Variants in CDH26 observed in about 807,000 individuals in gnomAD.
The protein encoded by CDH26 is cadherin-like protein 26.
In CDH26, 83 loss-of-function variants were observed where a neutral mutation model predicts 90.3. The ratio of observed to expected loss-of-function variants is 0.92; its 90% CI spans 0.77 to 1.10. The LOEUF (loss-of-function observed/expected upper bound fraction) is 1.10, where lower values mean the gene tolerates loss of function less well. Among genes scored for constraint, CDH26 ranks in the 50% least tolerant of loss-of-function variants. The pLI, the probability that CDH26 is intolerant of heterozygous loss-of-function variation, is 0.00. For synonymous variants in CDH26, 397 were observed against 396.3 expected, an observed-to-expected ratio of 1.00 and a Z score of -0.02; for missense variants, 1,013 against 1,037.6, an observed-to-expected ratio of 0.98 and a Z score of 0.33.
rs931024451 is a variant in CDH26, at chr20:59,996,621, C to T, written c.1889-10C>T. ...TGTCTAATCTGTTTTTCCCCTTTGT[C>T]TTATAACAGTGGCTCTGCTTTTTCT... On this transcript the variant is annotated splice_polypyrimidine_tract_variant and intron_variant, in intron 12 of 17. Transcript: ENST00000348616. The T allele has an allele frequency of 6.2e-7, 1 of 1,614,184 alleles. No homozygotes were observed. The highest frequency in any genetic ancestry group is 1.1e-5 in the South Asian group (1 of 91,082).
intron 7 of CDH26, among the ~76,000 whole-genome samples, chr20:60,021,871 C>CACACACACACACACAT (rs1555903651): frequency 4.7e-5 from 5 of 106,074 alleles, no homozygotes; most frequent in East Asian, 2.2e-4. Flanking sequence ...CACACACACA[C>CACACACACACACACAT]ACACACACAC....
chr20:60,024,398 A>G (rs145810341), intron 7 of CDH26, among the ~76,000 whole-genome samples: 6 of 152,364 alleles, frequency 3.9e-5, no homozygotes, highest in African/African-American at 1.4e-4. Context: ...TCACGTGTGT[A>G]GATGATGATG....
At position 59,992,231 on chromosome 20, in the gene CDH26, T is replaced by C; in HGVS notation, c.1284-147T>C. On this transcript the variant is annotated intron_variant, in intron 9 of 17. Transcript: ENST00000348616. This position sits in a 1 kb window ranked among gnomAD's most constrained non-coding sequence, Gnocchi z 5.0. ...CATTCCTTTCGTGAATTAAACACTC[T>C]CGTAGTTTAATTGCTCTTAGAATTT... is the stretch of plus-strand genomic sequence containing the variant. The C allele has an allele frequency of 1.3e-6, 1 of 755,182 alleles. No homozygotes were observed. Among genetic ancestry groups the C allele is most frequent in the South Asian group, 1.8e-5 (1 of 55,020 alleles). The allele number at this position is 755,182 out of a possible 1,614,324, so 46.8% of individuals were successfully genotyped here.
intron 7 of CDH26, among the ~76,000 whole-genome samples, chr20:60,020,318 TG>T (rs1426919105): frequency 6.6e-6 from 1 of 152,136 alleles, no homozygotes; most frequent in African/African-American, 2.4e-5. Flanking sequence ...TGGCCTGAGA[TG>T]GGGGCACATG....
At position 60,030,378 on chromosome 20, in the gene CDH26, T is replaced by G. The variant is rs1037923878; in HGVS notation, c.948-853T>G. Among the ~76,000 whole-genome samples the G allele has an allele frequency of 9.2e-5, 14 of 152,054 alleles. No individual in the cohort carries two copies. Among genetic ancestry groups the G allele is most frequent in the Non-Finnish European group, 1.9e-4 (13 of 68,012 alleles). ...CTGTTGGTGTTTTAAGTATCTGGGT[T>G]TTTTTTTGTTTGCTTTTTTTTGTTT... On this transcript the variant is annotated intron_variant, in intron 7 of 8. Transcript: ENST00000370991. The surrounding 1 kb of genome is among the most constrained non-coding windows in gnomAD (Gnocchi z 4.0).
At chr20:60,031,553 C>A in intron 8 of CDH26, 1 of 986,076 alleles carries the variant, frequency 1.0e-6, no homozygotes. Flanking sequence ...TAAAAACATC[C>A]TCAGTTTCTT....
At chr20:59,991,471 C>T (rs116576204) in intron 9 of CDH26, among the ~76,000 whole-genome samples, 2,317 of 152,212 alleles carry the variant, frequency 0.015, 62 homozygotes, top group African/African-American at 0.051. Flanking sequence ...CTGAGATAAT[C>T]CACAGAGGAA....
rs764393328 is a variant in CDH26, at chr20:60,001,322, A to C, written c.2098-21A>C. The C allele has an allele frequency of 1.9e-6, 3 of 1,613,770 alleles. No individual in the cohort carries two copies. The South Asian group carries it at 3.3e-5, about 18-fold the overall frequency. On this transcript the variant is annotated intron_variant, in intron 14 of 17. Coordinates refer to ENST00000348616, the MANE Select transcript of CDH26 (RefSeq NM_177980.4). Reference sequence around the variant, plus strand: ...GAGAGAAATCCATTCTCTTTTGAGTAAATCAGCATTTTCCCTCTAGGATCT... The same window carrying C: ...GAGAGAAATCCATTCTCTTTTGAGTCAATCAGCATTTTCCCTCTAGGATCT...
chr20:59,969,395 A>G (rs994492410), intron 2 of CDH26, among the ~76,000 whole-genome samples: 2 of 152,152 alleles, frequency 1.3e-5, no homozygotes, highest in African/African-American at 4.8e-5. Context: ...CGTTGTGATT[A>G]TTTACTTGGT....
intron 7 of CDH26, chr20:59,986,301 C>T (rs1413453900): frequency 6.6e-6 from 1 of 152,136 alleles, no homozygotes; most frequent in African/African-American, 2.4e-5. Context: ...TGCAAGACTC[C>T]CAGCCTTTAA....
chr20:60,009,844 G>C (rs111969867), intron 17 of CDH26, among the ~76,000 whole-genome samples: 12,390 of 152,054 alleles, frequency 0.081, 1,270 homozygotes, highest in African/African-American at 0.24. Flanking sequence ...CAGGTCTGTC[G>C]CTAATTATCT....
At chr20:60,033,423 C>A in intron 8 of CDH26, 2 of 1,274,336 alleles carry the variant, frequency 1.6e-6, no homozygotes, top group South Asian at 1.3e-5. Context: ...GAATGCTAAG[C>A]CTGTGTTACC....
chr20:59,970,533 A>G (rs1449961940), intron 3 of CDH26, among the ~76,000 whole-genome samples: 1 of 151,030 alleles, frequency 6.6e-6, no homozygotes, highest in Non-Finnish European at 1.5e-5. Flanking sequence ...ATTGTCGGCC[A>G]GGCGCGGTGG....
intron 10 of CDH26, 124 bp from the exon 11 acceptor site, chr20:59,994,126 C>A: frequency 8.1e-7 from 1 of 1,240,996 alleles, no homozygotes; most frequent in Non-Finnish European, 1.1e-6. Context: ...GAGCTTATGA[C>A]GTTGAAAGGG....
chr20:60,025,449 A>G (rs1187050968), intron 7 of CDH26, among the ~76,000 whole-genome samples: 1 of 152,238 alleles, frequency 6.6e-6, no homozygotes, highest in African/African-American at 2.4e-5. Flanking sequence ...ATCCTTTTAA[A>G]TATCCCTTTC....
rs1339649195 is a variant in CDH26, at chr20:59,987,575, A to G, written c.960A>G (p.Glu320=). 6.2e-7 allele frequency: 1 copy of G among 1,614,044 alleles called. No individual in the cohort carries two copies. The highest frequency in any genetic ancestry group is 1.1e-5 in the South Asian group (1 of 91,044). ...AATTCAACATATTGCATGGCAATGA[A>G]GAGGGGCATTTTGACATTTCGACTG... ...RAKFNILHGN[E]EGHFDISTDP... Residue 320 remains glutamate, a synonymous_variant, in exon 8 of 18, where the codon GAA becomes GAG. Transcript: ENST00000348616.
Position 59,984,997 on chromosome 20 carries a change from A to G in CDH26, c.709-4A>G. The G allele has an allele frequency of 6.2e-7, 1 of 1,613,850 alleles. No individual in the cohort carries two copies. The highest frequency in any genetic ancestry group is 8.5e-7 in the Non-Finnish European group (1 of 1,179,832). Reference sequence around the variant, plus strand: ...GGCTTAACTTTCCTTTTCCTCCCACATAGACCGCTCCTCAGTTTACACTGC... The same window carrying G: ...GGCTTAACTTTCCTTTTCCTCCCACGTAGACCGCTCCTCAGTTTACACTGC... On this transcript the variant is annotated splice_region_variant and splice_polypyrimidine_tract_variant and intron_variant, in intron 6 of 17. Coordinates refer to ENST00000348616, the MANE Select transcript of CDH26 (RefSeq NM_177980.4).
intron 1 of CDH26, among the ~76,000 whole-genome samples, chr20:59,968,055 C>CTG (rs2061200993): frequency 1.5e-5 from 2 of 136,138 alleles, no homozygotes; most frequent in African/African-American, 3.0e-5. Context: ...CTCTCTCTGT[C>CTG]TCTCTCTCTC....
intron 13 of CDH26, among the ~76,000 whole-genome samples, chr20:59,998,331 G>A (rs1332899389): frequency 6.6e-6 from 1 of 152,214 alleles, no homozygotes; most frequent in Admixed American, 6.5e-5. Flanking sequence ...TCAGGTTGTA[G>A]CTGAGGTGGA....
Sources: allele counts gnomAD v4.1 joint callset (sites outside exome capture counted in the v4.1 genomes callset), GRCh38; gene constraint gnomAD v4.1.1; non-coding constraint Gnocchi (gnomAD v3.1); transcripts MANE v1.5; gene names NCBI Gene and HGNC (gene_info 2026-07-23, HGNC 2026-07-21).